Variants in MSI2 observed in about 807,000 individuals in gnomAD.
The protein encoded by MSI2 is musashi RNA binding protein 2, also known as RNA-binding protein Musashi homolog 2.
MSI2 carries 17 observed loss-of-function variants against 45.6 expected under a neutral mutation model. The observed-to-expected ratio is 0.37, with a 90% CI of 0.26 to 0.56. The LOEUF is 0.56. Among genes scored for constraint, MSI2 ranks in the 20% least tolerant of loss-of-function variants. The pLI, the probability that MSI2 is intolerant of heterozygous loss-of-function variation, is 0.77. For synonymous variants in MSI2, 156 were observed against 158.2 expected, an observed-to-expected ratio of 0.99 and a Z score of 0.11; for missense variants, 293 against 444.2, an observed-to-expected ratio of 0.66 and a Z score of 3.06.
At chr17:57,664,268 C>G (rs1198840847) in intron 11 of MSI2, among the ~76,000 whole-genome samples, 1 of 152,212 alleles carries the variant, frequency 6.6e-6, no homozygotes, top group African/African-American at 2.4e-5. Context: ...CCTGTAATCC[C>G]AGCACTTTGG....
intron 6 of MSI2, among the ~76,000 whole-genome samples, chr17:57,426,614 G>A (rs1003956610): frequency 5.9e-5 from 9 of 152,196 alleles, no homozygotes; most frequent in Non-Finnish European, 2.9e-5. Context: ...GTAAATGGTT[G>A]TTGAGTGCTT....
intron 7 of MSI2, among the ~76,000 whole-genome samples, chr17:57,556,218 C>G (rs1191285703): frequency 1.3e-5 from 2 of 152,186 alleles, no homozygotes; most frequent in African/African-American, 4.8e-5. Flanking sequence ...TGCAGTGGAG[C>G]TTGCCCTAAA....
chr17:57,396,494 C>T (rs1039883622), intron 5 of MSI2, among the ~76,000 whole-genome samples: 7 of 151,902 alleles, frequency 4.6e-5, no homozygotes, highest in Admixed American at 1.3e-4. Flanking sequence ...TCCTAGTGAC[C>T]GTTTCTGATG....
intron 5 of MSI2, among the ~76,000 whole-genome samples, chr17:57,271,047 G>A (rs894718523): frequency 1.6e-4 from 25 of 152,226 alleles, no homozygotes; most frequent in Admixed American, 4.6e-4. Context: ...GTAAAGTCCC[G>A]GGGAGCAGCT....
At chr17:57,255,879 G>A (rs1906668083), upstream of MSI2, 1 of 152,210 alleles carries the variant, frequency 6.6e-6, no homozygotes, top group Non-Finnish European at 1.5e-5. Context: ...CAGCGCAAAA[G>A]GAAAATAAAA....
chr17:57,589,314 C>G (rs889456165), intron 7 of MSI2, among the ~76,000 whole-genome samples: 1 of 152,188 alleles, frequency 6.6e-6, no homozygotes. Context: ...GAAAAGGTAG[C>G]TTGTTTTTTT....
intron 6 of MSI2, among the ~76,000 whole-genome samples, chr17:57,483,666 G>A (rs1047125944): frequency 1.3e-5 from 2 of 152,202 alleles, no homozygotes; most frequent in African/African-American, 4.8e-5. Context: ...GGCCACTGGT[G>A]CTCATGTCTC....
intron 6 of MSI2, among the ~76,000 whole-genome samples, chr17:57,509,609 T>C (rs1307977960): frequency 6.6e-6 from 1 of 152,060 alleles, no homozygotes; most frequent in African/African-American, 2.4e-5. Flanking sequence ...TTAGTAGAGA[T>C]GGTGTTTCAC....
intron 12 of MSI2, 127 bp downstream of exon 12, chr17:57,675,253 A>C: frequency 1.1e-6 from 1 of 918,282 alleles, no homozygotes; most frequent in Non-Finnish European, 1.7e-6. Context: ...CATCAACATC[A>C]CACCAGCTCC....
intron 5 of MSI2, among the ~76,000 whole-genome samples, chr17:57,269,864 A>G (rs1420225846): frequency 6.6e-6 from 1 of 152,044 alleles, no homozygotes; most frequent in East Asian, 1.9e-4. Context: ...GGTGAAGAAT[A>G]TGCATTTTTG....
intron 6 of MSI2, among the ~76,000 whole-genome samples, chr17:57,422,824 G>A (rs1015755815): frequency 1.3e-5 from 2 of 152,222 alleles, no homozygotes; most frequent in Admixed American, 6.5e-5. Context: ...ATTAGGCAAC[G>A]TAATTTTGGC....
intron 5 of MSI2, among the ~76,000 whole-genome samples, chr17:57,275,666 C>G (rs1908776303): frequency 1.3e-5 from 2 of 152,068 alleles, no homozygotes; most frequent in African/African-American, 4.8e-5. Context: ...GAACGGGGAA[C>G]AAGATCATGA....
In MSI2 at chr17:57,280,683, G is replaced by A. The variant is rs550203670; in HGVS notation, c.312+18491G>A. Reference sequence around the variant, plus strand: ...TGGCAATCGGCATACTCTTAGTGACGGACCCCTATTGGTAAACTTGTTTTT... The same window carrying A: ...TGGCAATCGGCATACTCTTAGTGACAGACCCCTATTGGTAAACTTGTTTTT... On this transcript the variant is annotated intron_variant, in intron 5 of 13. Coordinates refer to ENST00000284073, the MANE Select transcript of MSI2 (RefSeq NM_138962.4). The surrounding 1 kb of genome is among the most constrained non-coding windows in gnomAD (Gnocchi z 4.2). Among the ~76,000 whole-genome samples, 4 of 152,080 alleles carry A rather than the reference G, an allele frequency of 2.6e-5. No homozygotes were observed. In the South Asian group the frequency reaches 6.2e-4, roughly 24 times the overall value.
chr17:57,509,377 G>A (rs1295419628), intron 6 of MSI2, among the ~76,000 whole-genome samples: 2 of 152,120 alleles, frequency 1.3e-5, no homozygotes, highest in African/African-American at 2.4e-5. Context: ...GAAGAATATT[G>A]AGTCGGCCTC....
At chr17:57,306,244 A>G (rs767720557) in intron 5 of MSI2, among the ~76,000 whole-genome samples, 3 of 151,718 alleles carry the variant, frequency 2.0e-5, no homozygotes, top group Non-Finnish European at 2.9e-5. Context: ...GTGCCTTACC[A>G]CCTGCAGACC....
chr17:57,286,771 A>G (rs962902662), intron 5 of MSI2, among the ~76,000 whole-genome samples: 1 of 148,504 alleles, frequency 6.7e-6, no homozygotes, highest in African/African-American at 2.5e-5. Flanking sequence ...GTAAACCCAC[A>G]CCCCCTCCCC....
intron 6 of MSI2, among the ~76,000 whole-genome samples, chr17:57,495,260 C>A (rs1271247106): frequency 6.6e-6 from 1 of 152,100 alleles, no homozygotes; most frequent in African/African-American, 2.4e-5. Context: ...GGGCCGGGCA[C>A]GGTGGCTCAC....
At chr17:57,440,249 G>C (rs569408224) in intron 6 of MSI2, among the ~76,000 whole-genome samples, 2 of 152,286 alleles carry the variant, frequency 1.3e-5, no homozygotes, top group East Asian at 3.9e-4. Context: ...GGGTCTGCCT[G>C]CTGAGAGCTT....
intron 7 of MSI2, among the ~76,000 whole-genome samples, chr17:57,550,470 CTG>C (rs2087277894): frequency 6.6e-6 from 1 of 152,250 alleles, no homozygotes; most frequent in African/African-American, 2.4e-5. Flanking sequence ...TCCTCACACA[CTG>C]TGCTTTTCAT....
Sources: allele counts gnomAD v4.1 joint callset (sites outside exome capture counted in the v4.1 genomes callset), GRCh38; gene constraint gnomAD v4.1.1; non-coding constraint Gnocchi (gnomAD v3.1); transcripts MANE v1.5; gene names NCBI Gene and HGNC (gene_info 2026-07-23, HGNC 2026-07-21).